The following SNU13 variants were observed in gnomAD, a reference collection of about 807,000 sequenced individuals.
SNU13 encodes the protein NHP2-like protein 1.
Under a neutral mutation model 12.4 loss-of-function variants are expected in SNU13, and 2 were observed. The ratio of observed to expected loss-of-function variants is 0.16; its 90% confidence interval spans 0.07 to 0.51. SNU13 has a LOEUF of 0.51. SNU13 is among the 20% of genes least tolerant of loss of function. The probability of loss-of-function intolerance (pLI) is 0.96; values close to 1 mark genes in which losing one functional copy is unlikely to be tolerated. For missense variants in SNU13, 66 were observed against 157.8 expected, an observed-to-expected ratio of 0.42 and a Z score of 3.12; for synonymous variants, 68 against 66.5, an observed-to-expected ratio of 1.02 and a Z score of -0.11.
intron 1 of SNU13, chr22:41,687,713 C>T (rs1398264250): frequency 2.0e-5 from 3 of 152,170 alleles, no homozygotes; most frequent in African/African-American, 7.2e-5. Context: ...ACAAATACTG[C>T]GTGCTTACTC....
intron 1 of SNU13, chr22:41,682,487 C>T: frequency 6.3e-7 from 1 of 1,576,804 alleles, no homozygotes; most frequent in Non-Finnish European, 8.6e-7. Context: ...GACGCCACTG[C>T]CGCCAGCGGA....
At position 41,682,266 on chromosome 22, in the gene SNU13, TAC is replaced by T; in HGVS notation, c.4-1904_4-1903del. On this transcript the variant is annotated intron_variant, in intron 1 of 2. Coordinates refer to ENST00000401959, the MANE Select transcript of SNU13 (RefSeq NM_001003796.2). ...CTGCCTTTTCCTCCTTCCGTTTTTTTACAGCTTTTCTGACACAGCGGGACCAC... is the reference window on the plus strand; with the variant it reads ...CTGCCTTTTCCTCCTTCCGTTTTTTTAGCTTTTCTGACACAGCGGGACCAC... 15 of 1,406,492 alleles carry T rather than the reference TAC, an allele frequency of 1.1e-5. No individual in the cohort carries two copies. The South Asian group carries it at 1.7e-4, about 16-fold the overall frequency. The allele number at this position is 1,406,492 out of a possible 1,614,324, so 87.1% of individuals were successfully genotyped here.
chr22:41,675,330 C>T (rs2068202677), intron 2 of SNU13, 135 bp from the exon 3 acceptor site: 11 of 1,098,688 alleles, frequency 1.0e-5, no homozygotes, highest in South Asian at 6.0e-5. Context: ...AGGATTCAAA[C>T]ACCAGTCAGT....
chr22:41,675,277 C>T (rs1203886776), intron 2 of SNU13, 82 bp from the exon 3 acceptor site: 2 of 1,530,166 alleles, frequency 1.3e-6, no homozygotes, highest in African/African-American at 1.4e-5. Flanking sequence ...AATGCCTAGG[C>T]ACACACAATT....
intron 1 of SNU13, among the ~76,000 whole-genome samples, chr22:41,686,596 G>A (rs569968150): frequency 1.4e-5 from 2 of 147,304 alleles, no homozygotes; most frequent in East Asian, 2.0e-4. Flanking sequence ...TACCACGTCC[G>A]GCCATACAAA....
chr22:41,674,837 A>T lies in SNU13; in HGVS notation c.*96T>A. 6.8e-7 allele frequency: 1 copy of T among 1,473,546 alleles called. No homozygotes were observed. Among genetic ancestry groups the T allele is most frequent in the Non-Finnish European group, 9.2e-7 (1 of 1,087,918 alleles). The allele number at this position is 1,473,546 out of a possible 1,614,324, so 91.3% of individuals were successfully genotyped here. On this transcript the variant is annotated 3_prime_UTR_variant, in exon 3 of 3. Coordinates refer to ENST00000401959, the MANE Select transcript of SNU13 (RefSeq NM_001003796.2). ...ATTTAGTACTACATTTTATAACAAT[A>T]GAGAGTAGCTGAAAATACTACATGC...
chr22:41,680,542 G>T (rs2068254273), intron 1 of SNU13, among the ~76,000 whole-genome samples, 178 bp from the exon 2 acceptor site: 1 of 152,142 alleles, frequency 6.6e-6, no homozygotes, highest in African/African-American at 2.4e-5. Flanking sequence ...CGAAAAAAAG[G>T]AAATACACTA....
At chr22:41,676,645 T>C (rs2068216966) in intron 2 of SNU13, among the ~76,000 whole-genome samples, 1 of 151,930 alleles carries the variant, frequency 6.6e-6, no homozygotes, top group Non-Finnish European at 1.5e-5. Flanking sequence ...GGAAAACAAA[T>C]GGTTTTCATT....
chr22:41,683,439 T>C (rs985062942), intron 1 of SNU13, among the ~76,000 whole-genome samples: 1 of 152,130 alleles, frequency 6.6e-6, no homozygotes, highest in Admixed American at 6.5e-5. Context: ...CACTGTCTTA[T>C]TATGTTGTCC....
chr22:41,688,842 C>A lies in SNU13; in HGVS notation c.-46G>T. On this transcript the variant is annotated 5_prime_UTR_variant, in exon 1 of 3. Coordinates refer to ENST00000401959, the MANE Select transcript of SNU13 (RefSeq NM_001003796.2). ...AGCACTCCTAGGGGAGCGCAGCTGA[C>A]GTTTCAGAAGCACTCGCGTGCACCG... The A allele has an allele frequency of 6.4e-7, 1 of 1,564,502 alleles. No individual in the cohort carries two copies.
At chr22:41,677,816 CAT>C (rs2068227165) in intron 2 of SNU13, among the ~76,000 whole-genome samples, 1 of 152,144 alleles carries the variant, frequency 6.6e-6, no homozygotes, top group South Asian at 2.1e-4. Context: ...ATCCCTCAAG[CAT>C]GCCTTTACAC....
At chr22:41,675,932 A>G (rs911792425) in intron 2 of SNU13, among the ~76,000 whole-genome samples, 8 of 150,642 alleles carry the variant, frequency 5.3e-5, no homozygotes, top group South Asian at 4.2e-4. Flanking sequence ...TTGTTTCACT[A>G]TGTTGGCCAG....
chr22:41,686,280 C>T lies in SNU13; in HGVS notation c.3+2514G>A, dbSNP rs144022115. On this transcript the variant is annotated intron_variant, in intron 1 of 2. Coordinates refer to ENST00000401959, the MANE Select transcript of SNU13 (RefSeq NM_001003796.2). ...TGCATTTGCACTATTTTCCCCTCTACTGATTTGGAGTTTATTCTTTTATCT... is the reference window on the plus strand; with the variant it reads ...TGCATTTGCACTATTTTCCCCTCTATTGATTTGGAGTTTATTCTTTTATCT... Among the ~76,000 whole-genome samples, 310 of 150,804 alleles carry T rather than the reference C, an allele frequency of 2.1e-3. 3 individuals carry two copies. The highest frequency in any genetic ancestry group is 0.017 in the Middle Eastern group (5 of 290).
In SNU13 at chr22:41,674,846, C is replaced by T. The variant is rs189082811; in HGVS notation, c.*87G>A. 3 of 1,505,766 alleles carry T rather than the reference C, an allele frequency of 2.0e-6. No individual in the cohort carries two copies. In the East Asian group the frequency reaches 6.8e-5, roughly 34 times the overall value. 93.3% of individuals were successfully genotyped at this position (1,505,766 alleles called of 1,614,324 possible). A position where few individuals can be genotyped will look rare whatever the true frequency, so the allele number is the denominator to read the frequency against. On this transcript the variant is annotated 3_prime_UTR_variant, in exon 3 of 3. Transcript: ENST00000401959. ...TACATTTTATAACAATAGAGAGTAG[C>T]TGAAAATACTACATGCTAACACAGA...
intron 2 of SNU13, among the ~76,000 whole-genome samples, chr22:41,676,037 CTTCT>C (rs1346049896): frequency 6.6e-6 from 1 of 152,106 alleles, no homozygotes; most frequent in East Asian, 1.9e-4. Flanking sequence ...GCCCTGACCA[CTTCT>C]TTCTACTCCT....
chr22:41,688,923 G>C (rs2068336732), upstream of SNU13: 8 of 1,442,350 alleles, frequency 5.5e-6, no homozygotes, highest in Non-Finnish European at 7.4e-6. Context: ...AAGCGAAGGT[G>C]ACGCTACGCG....
In SNU13 at chr22:41,674,758, G is replaced by T. The variant is rs954175500; in HGVS notation, c.*175C>A. 2.4e-6 allele frequency: 2 copies of T among 817,394 alleles called. No individual in the cohort carries two copies. The highest frequency in any genetic ancestry group is 3.5e-5 in the African/African-American group (2 of 57,720). 50.6% of individuals were successfully genotyped at this position (817,394 alleles called of 1,614,324 possible). A position where few individuals can be genotyped will look rare whatever the true frequency, so the allele number is the denominator to read the frequency against. On this transcript the variant is annotated 3_prime_UTR_variant, in exon 3 of 3. Transcript: ENST00000401959. Reference sequence around the variant, plus strand: ...GGCAGAGGGAGGGAGGAAAGGAAGGGGGATAGCAACCCTGTAAAACAGAAC... The same window carrying T: ...GGCAGAGGGAGGGAGGAAAGGAAGGTGGATAGCAACCCTGTAAAACAGAAC...
At position 41,674,782 on chromosome 22, in the gene SNU13, A is replaced by G; in HGVS notation, c.*151T>C. 9.1e-7 allele frequency: 1 copy of G among 1,103,060 alleles called. No individual in the cohort carries two copies. The highest frequency in any genetic ancestry group is 2.6e-5 in the East Asian group (1 of 39,078). The allele number at this position is 1,103,060 out of a possible 1,614,324, so 68.3% of individuals were successfully genotyped here. On this transcript the variant is annotated 3_prime_UTR_variant, in exon 3 of 3. Transcript: ENST00000401959. ...GGGGATAGCAACCCTGTAAAACAGA[A>G]CAAAAACAACACAAAAATCCAGAAA...
intron 2 of SNU13, among the ~76,000 whole-genome samples, chr22:41,677,638 T>G (rs1036016831): frequency 6.6e-6 from 1 of 152,124 alleles, no homozygotes; most frequent in African/African-American, 2.4e-5. Context: ...GTCATAGGAG[T>G]GACTCTTTTA....
Sources: allele counts gnomAD v4.1 joint callset (sites outside exome capture counted in the v4.1 genomes callset), GRCh38; gene constraint gnomAD v4.1.1; transcripts MANE v1.5; gene names NCBI Gene and HGNC (gene_info 2026-07-23, HGNC 2026-07-21).